Variants in MARK3 observed in about 807,000 individuals in gnomAD.
MARK3 encodes the protein microtubule affinity regulating kinase 3, also known as MAP/microtubule affinity-regulating kinase 3.
Under a neutral mutation model 90.1 loss-of-function variants are expected in MARK3, and 46 were observed. The observed-to-expected ratio is 0.51, with a 90% CI of 0.40 to 0.65. MARK3 has a LOEUF of 0.65. MARK3 is among the 30% of genes least tolerant of loss of function. The pLI, the probability that MARK3 is intolerant of heterozygous loss-of-function variation, is 0.00. For missense variants in MARK3, 818 were observed against 947.2 expected (o/e 0.86, Z 1.79); for synonymous variants, 321 against 332.6 (o/e 0.97, Z 0.38).
chr14:103,435,433 G>A (rs1386132998), intron 3 of MARK3, among the ~76,000 whole-genome samples: 1 of 151,992 alleles, frequency 6.6e-6, no homozygotes. Context: ...TTTTGAGACG[G>A]AGTCTCGCTC....
At position 103,466,406 on chromosome 14, in the gene MARK3, G is replaced by T. The variant is rs1157387862; in HGVS notation, c.961G>T (p.Glu321Ter). The change falls in exon 10 of 18, where the codon GAA (glutamate) becomes TAA (stop). Residue 321 changes from glutamate (E) to a stop codon, truncating the protein, a stop_gained. Coordinates refer to ENST00000429436, the MANE Select transcript of MARK3 (RefSeq NM_001128918.3). LOFTEE classifies it high-confidence loss of function. ...AGAAGATGAACTCAAACCATTTGTT[G>T]AACCAGAGCTAGACATCTCAGACCA... ...HEEDELKPFV[E>*]PELDISDQKR... 1 of 1,613,850 alleles carries T rather than the reference G, an allele frequency of 6.2e-7. No homozygotes were observed. Among genetic ancestry groups the T allele is most frequent in the South Asian group, 1.1e-5 (1 of 91,068 alleles).
intron 2 of MARK3, among the ~76,000 whole-genome samples, chr14:103,425,299 G>A (rs1007766168): frequency 2.2e-4 from 32 of 146,290 alleles, no homozygotes; most frequent in African/African-American, 7.6e-4. Context: ...TCATTTTCTC[G>A]CCCAGGCTGG....
chr14:103,475,771 G>A (rs924330899), intron 13 of MARK3, among the ~76,000 whole-genome samples: 44 of 151,918 alleles, frequency 2.9e-4, no homozygotes, highest in African/African-American at 1.0e-3. Context: ...ATGGTGAAAC[G>A]CCATCTCTAC....
intron 1 of MARK3, among the ~76,000 whole-genome samples, chr14:103,390,146 G>A (rs1049857804): frequency 1.4e-4 from 22 of 152,038 alleles, no homozygotes; most frequent in African/African-American, 5.1e-4. Context: ...TACTCGGGAG[G>A]CTGAGGCAGG....
intron 3 of MARK3, among the ~76,000 whole-genome samples, chr14:103,447,129 G>C (rs1420150476): frequency 1.3e-5 from 2 of 152,024 alleles, no homozygotes; most frequent in African/African-American, 4.8e-5. Context: ...TGAGCGTAAG[G>C]TTATATGTCA....
Position 103,422,905 on chromosome 14 carries a change from T to C in MARK3, c.244-5482T>C, listed in dbSNP as rs1436867459. Among the ~76,000 whole-genome samples, 14 of 152,302 alleles carry C rather than the reference T, an allele frequency of 9.2e-5. No homozygotes were observed. In the East Asian group the frequency reaches 2.7e-3, roughly 29 times the overall value. On this transcript the variant is annotated intron_variant, in intron 2 of 17. Coordinates refer to ENST00000429436, the MANE Select transcript of MARK3 (RefSeq NM_001128918.3). ...TATGTGTAAGCCCTAACCCCCAGTG[T>C]GACTGTATTTGGTGATAGGGTCTTT...
In MARK3 at chr14:103,470,080, G is replaced by A. The variant is rs143958836; in HGVS notation, c.1264+1894G>A. ...ATCTCAAAAAAAAAAAAAAAAATTT[G>A]TACTTAAGTGTAATATATAGCCAGT... On this transcript the variant is annotated intron_variant, in intron 12 of 17. Transcript: ENST00000429436. Among the ~76,000 whole-genome samples the A allele has an allele frequency of 3.7e-3, 562 of 150,792 alleles. 5 individuals are homozygous for A. Among genetic ancestry groups the A allele is most frequent in the Middle Eastern group, 6.9e-3 (2 of 288 alleles).
At chr14:103,446,475 T>C (rs1306573768) in intron 3 of MARK3, among the ~76,000 whole-genome samples, 2 of 152,030 alleles carry the variant, frequency 1.3e-5, no homozygotes, top group Non-Finnish European at 2.9e-5. Flanking sequence ...TGAGCCGATA[T>C]TGTGCCACTG....
intron 2 of MARK3, among the ~76,000 whole-genome samples, chr14:103,411,468 T>TA (rs1326240982): frequency 6.6e-6 from 1 of 152,240 alleles, no homozygotes; most frequent in Non-Finnish European, 1.5e-5. Context: ...CAATTGAAGA[T>TA]ACCTGCGTTA....
intron 1 of MARK3, among the ~76,000 whole-genome samples, chr14:103,400,934 T>C (rs1366055165): frequency 2.4e-5 from 3 of 125,830 alleles, no homozygotes; most frequent in Non-Finnish European, 4.9e-5. Context: ...CAAAGAATTA[T>C]ATAACATTTT....
At chr14:103,480,945 A>C (rs539904104) in intron 14 of MARK3, among the ~76,000 whole-genome samples, 9 of 152,356 alleles carry the variant, frequency 5.9e-5, no homozygotes, top group African/African-American at 2.2e-4. Flanking sequence ...CAGATGGCTG[A>C]GTCTAAATAG....
intron 4 of MARK3, among the ~76,000 whole-genome samples, chr14:103,450,121 A>C (rs1225874898): frequency 6.6e-6 from 1 of 152,202 alleles, no homozygotes; most frequent in East Asian, 1.9e-4. Flanking sequence ...GCAAGCCTTC[A>C]TCCTGATATC....
In MARK3 at chr14:103,480,343, G is replaced by A. The variant is rs367967414; in HGVS notation, c.1483-44G>A. ...TAAGTTCATTTTTTCTCATTGTACT[G>A]TATTTACCAAATAAATTTAAGACAA... is the stretch of plus-strand genomic sequence containing the variant. On this transcript the variant is annotated intron_variant, in intron 13 of 17. Transcript: ENST00000429436. 1,843 of 1,168,334 alleles carry A rather than the reference G, an allele frequency of 1.6e-3. 1 individual carries two copies. Among genetic ancestry groups the A allele is most frequent in the Non-Finnish European group, 2.0e-3 (1,586 of 781,252 alleles). 72.4% of individuals were successfully genotyped at this position (1,168,334 alleles called of 1,614,324 possible).
Position 103,416,944 on chromosome 14 carries a change from T to C in MARK3, c.244-11443T>C, listed in dbSNP as rs145144802. On this transcript the variant is annotated intron_variant, in intron 2 of 17. Coordinates refer to ENST00000429436, the MANE Select transcript of MARK3 (RefSeq NM_001128918.3). ...ACTGATCTGCTACGATGAGGAGATG[T>C]ATTAGAGATGTGAGGAGGTTAAAAT... Among the ~76,000 whole-genome samples the C allele has an allele frequency of 3.4e-3, 516 of 152,232 alleles. 2 individuals are homozygous for C. The highest frequency in any genetic ancestry group is 0.012 in the African/African-American group (494 of 41,534).
intron 3 of MARK3, among the ~76,000 whole-genome samples, chr14:103,448,269 G>A (rs2093044634): frequency 6.6e-6 from 1 of 152,126 alleles, no homozygotes; most frequent in South Asian, 2.1e-4. Context: ...TCCAGCCTCT[G>A]CTTGCTTCAG....
intron 11 of MARK3, chr14:103,467,813 G>A: frequency 2.5e-6 from 1 of 394,202 alleles, no homozygotes; most frequent in Non-Finnish European, 4.5e-6. Context: ...ATTTGAGAAA[G>A]CCTGGAAAGA....
chr14:103,411,977 C>A, intron 2 of MARK3: 6 of 240,542 alleles, frequency 2.5e-5, no homozygotes, highest in East Asian at 7.1e-5. Context: ...GTCATTTACT[C>A]TTCCACATGA....
intron 2 of MARK3, among the ~76,000 whole-genome samples, chr14:103,419,324 C>T (rs897899317): frequency 6.6e-6 from 1 of 151,960 alleles, no homozygotes. Flanking sequence ...ATTGAGAACT[C>T]CCCAAAGCTT....
chr14:103,406,849 T>TA (rs1203557604), intron 2 of MARK3, among the ~76,000 whole-genome samples: 2 of 151,450 alleles, frequency 1.3e-5, no homozygotes. Flanking sequence ...TTGTTTTTTT[T>TA]ATGAGGCAGA....
Sources: allele counts gnomAD v4.1 joint callset (sites outside exome capture counted in the v4.1 genomes callset), GRCh38; gene constraint gnomAD v4.1.1; transcripts MANE v1.5; gene names NCBI Gene and HGNC (gene_info 2026-07-23, HGNC 2026-07-21).